The following ADK variants were observed in gnomAD, a reference collection of about 807,000 sequenced individuals.
ADK encodes N6,N6-dimethyladenosine kinase.
Under a neutral mutation model 44.7 loss-of-function variants are expected in ADK, and 24 were observed. That is an observed-to-expected ratio of 0.54 (90% CI 0.39 to 0.76). The LOEUF (loss-of-function observed/expected upper bound fraction) is 0.76, where lower values mean the gene tolerates loss of function less well. ADK is among the 30% of genes least tolerant of loss of function. The pLI, the probability that ADK is intolerant of heterozygous loss-of-function variation, is 0.00. For synonymous variants in ADK, 128 were observed against 142.6 expected (o/e 0.90, Z 0.73); for missense variants, 321 against 425.1 (o/e 0.76, Z 2.15).
rs1273116210 is a variant in ADK, at chr10:74,637,894, C to CT, written c.878-32287dup. 4.6e-5 allele frequency among the ~76,000 whole-genome samples: 7 copies of CT among 152,284 alleles called. No homozygotes were observed. In the South Asian group the frequency reaches 8.3e-4, roughly 18 times the overall value. ...TTTGTTGTTTTGATTGTGGTGATGG[C>CT]TTCATGAGTAATACCTATTCAAACT... On this transcript the variant is annotated intron_variant, in intron 9 of 10. Transcript: ENST00000539909.
intron 9 of ADK, among the ~76,000 whole-genome samples, chr10:74,620,383 C>T (rs935417942): frequency 2.4e-4 from 37 of 152,094 alleles, no homozygotes; most frequent in African/African-American, 8.9e-4. Flanking sequence ...ACTTTGTGTT[C>T]CTGGCTTATT....
intron 6 of ADK, among the ~76,000 whole-genome samples, chr10:74,431,817 A>G (rs1845010716): frequency 6.6e-6 from 1 of 151,742 alleles, no homozygotes; most frequent in South Asian, 2.1e-4. Context: ...ATCTCAGTCA[A>G]TCAATAAGAT....
chr10:74,295,001 G>A (rs1467269667), intron 3 of ADK, among the ~76,000 whole-genome samples: 12 of 152,056 alleles, frequency 7.9e-5, no homozygotes, highest in East Asian at 3.9e-4. Flanking sequence ...GACTACAGGC[G>A]TATGCCATCA....
At chr10:74,251,893 A>AG (rs1236676342) in intron 3 of ADK, among the ~76,000 whole-genome samples, 1 of 95,548 alleles carries the variant, frequency 1.0e-5, no homozygotes, top group African/African-American at 4.3e-5. Flanking sequence ...TGTGGCAGAT[A>AG]CTTTTTTTTT....
At chr10:74,686,079 A>G (rs755633964) in intron 10 of ADK, among the ~76,000 whole-genome samples, 6 of 151,996 alleles carry the variant, frequency 3.9e-5, no homozygotes, top group Non-Finnish European at 7.4e-5. Context: ...CTCCTTCCTC[A>G]GCCTCCCGAG....
intron 2 of ADK, among the ~76,000 whole-genome samples, chr10:74,220,760 A>G (rs147176411): frequency 0.032 from 4,808 of 152,168 alleles, 272 homozygotes; most frequent in African/African-American, 0.11. Flanking sequence ...CAGAACCAAA[A>G]ACAAAAACCA....
At chr10:74,359,972 CT>C (rs1249593653) in intron 4 of ADK, among the ~76,000 whole-genome samples, 1 of 152,054 alleles carries the variant, frequency 6.6e-6, no homozygotes, top group Non-Finnish European at 1.5e-5. Context: ...ATTCTACTGA[CT>C]TTTGTATGTC....
At chr10:74,314,635 A>G in intron 3 of ADK, 32 bp from the exon 4 acceptor site, 4 of 1,490,208 alleles carry the variant, frequency 2.7e-6, no homozygotes, top group South Asian at 2.3e-5. Context: ...ACAGAAGGTA[A>G]CTTACTTTTT....
chr10:74,595,993 A>G, intron 8 of ADK, among the ~76,000 whole-genome samples: 1 of 126,606 alleles, frequency 7.9e-6, no homozygotes, highest in East Asian at 3.0e-4. Context: ...GCGAAATTCC[A>G]TCTCAAAAAA....
rs184564377 is a variant in ADK, at chr10:74,607,956, T to C, written c.877+7463T>C. Among the ~76,000 whole-genome samples, 165 of 151,964 alleles carry C rather than the reference T, an allele frequency of 1.1e-3. 1 individual carries two copies. The highest frequency in any genetic ancestry group is 6.8e-3 in the Middle Eastern group (2 of 294). On this transcript the variant is annotated intron_variant, in intron 9 of 10. Coordinates refer to ENST00000539909, the MANE Select transcript of ADK (RefSeq NM_006721.4). ...TTCCATTCTTTTTTCTCTAATCTTG[T>C]CATGATGCTTTATTTCATTAAGTTG...
chr10:74,620,703 C>CT (rs896541020), intron 9 of ADK, among the ~76,000 whole-genome samples: 12 of 151,104 alleles, frequency 7.9e-5, no homozygotes, highest in South Asian at 6.3e-4. Flanking sequence ...CCAGCATCTG[C>CT]TTTTTTTTTC....
chr10:74,188,350 T>TCTGCTCTTTTAATTTTCTTGCTGTAC (rs1172298075), intron 1 of ADK, among the ~76,000 whole-genome samples: 2 of 143,374 alleles, frequency 1.4e-5, no homozygotes, highest in African/African-American at 5.2e-5. Context: ...TTAATTTTTT[T>TCTGCTCTTTTAATTTTCTTGCTGTAC]TTTTTTTTTT....
At chr10:74,692,985 TG>T (rs1856047643) in intron 10 of ADK, among the ~76,000 whole-genome samples, 1 of 152,162 alleles carries the variant, frequency 6.6e-6, no homozygotes. Flanking sequence ...TACCATGGGC[TG>T]GAGCTGTGGC....
intron 1 of ADK, among the ~76,000 whole-genome samples, chr10:74,178,910 T>C (rs1304790278): frequency 6.6e-6 from 1 of 152,220 alleles, no homozygotes; most frequent in Non-Finnish European, 1.5e-5. Flanking sequence ...AAATTAGGAA[T>C]TGAATCCAGA....
chr10:74,170,841 A>G (rs935185725), intron 1 of ADK, among the ~76,000 whole-genome samples: 3 of 151,552 alleles, frequency 2.0e-5, no homozygotes, highest in African/African-American at 7.3e-5. Flanking sequence ...ATATTTAATA[A>G]TAATTATAAA....
At chr10:74,247,190 G>T (rs556051065) in intron 3 of ADK, among the ~76,000 whole-genome samples, 32 of 142,722 alleles carry the variant, frequency 2.2e-4, no homozygotes, top group African/African-American at 8.2e-4. Flanking sequence ...TTGGATCACT[G>T]ACATCTGGCT....
intron 4 of ADK, among the ~76,000 whole-genome samples, chr10:74,330,730 CA>C (rs1841189231): frequency 6.6e-6 from 1 of 152,158 alleles, no homozygotes; most frequent in South Asian, 2.1e-4. Context: ...CGGCAACCAG[CA>C]CCAATATGTT....
At chr10:74,616,387 TTA>T (rs762449717) in intron 9 of ADK, among the ~76,000 whole-genome samples, 1 of 151,430 alleles carries the variant, frequency 6.6e-6, no homozygotes, top group African/African-American at 2.4e-5. Flanking sequence ...TAAGATTAAT[TTA>T]TATATATATA....
chr10:74,674,223 G>C (rs765019468), intron 10 of ADK, among the ~76,000 whole-genome samples: 1 of 152,108 alleles, frequency 6.6e-6, no homozygotes, highest in Non-Finnish European at 1.5e-5. Flanking sequence ...TCTAACAACT[G>C]ATGCATCTAT....
Sources: gnomAD v4.1 joint callset for allele counts (sites outside exome capture counted in the v4.1 genomes callset) on GRCh38, gnomAD v4.1.1 for gene constraint, MANE v1.5 for transcripts, NCBI Gene and HGNC (gene_info 2026-07-23, HGNC 2026-07-21) for gene names.